The following CDS1 variants were observed in gnomAD, a reference collection of about 807,000 sequenced individuals.
CDS1 encodes phosphatidate cytidylyltransferase 1.
Under a neutral mutation model 62.1 loss-of-function variants are expected in CDS1, and 41 were observed. The observed-to-expected ratio is 0.66, with a 90% CI of 0.51 to 0.86. The LOEUF (loss-of-function observed/expected upper bound fraction) is 0.86, where lower values mean the gene tolerates loss of function less well. CDS1 is among the 40% of genes least tolerant of loss of function. CDS1 has a pLI of 0.00. For missense variants in CDS1, 470 were observed against 550.1 expected (o/e 0.85, Z 1.46); for synonymous variants, 185 against 192.6 (o/e 0.96, Z 0.32).
chr4:84,599,751 C>CTG (rs1356810072), intron 1 of CDS1, among the ~76,000 whole-genome samples: 1 of 152,068 alleles, frequency 6.6e-6, no homozygotes, highest in Non-Finnish European at 1.5e-5. Flanking sequence ...GAATATTCCA[C>CTG]TGTATGAAAG....
intron 11 of CDS1, among the ~76,000 whole-genome samples, chr4:84,643,547 T>A (rs1402030049): frequency 6.6e-6 from 1 of 152,134 alleles, no homozygotes; most frequent in Non-Finnish European, 1.5e-5. Flanking sequence ...CTAAGTCAGG[T>A]GTCATCACAC....
rs1724714356 is a variant in CDS1 at position 84,650,963 on chromosome 4, AG to A, written c.*2279del. The A allele has an allele frequency of 6.6e-6, 1 of 152,210 alleles. No homozygotes were observed. 9.4% of individuals were successfully genotyped at this position (152,210 alleles called of 1,614,324 possible). Reference sequence around the variant, plus strand: ...TGTGGTGGCAGACAAATGAAAAACTAGGAAGTTCTTTCACAGTAATGCCTAG... The same window carrying A: ...TGTGGTGGCAGACAAATGAAAAACTAGAAGTTCTTTCACAGTAATGCCTAG... On this transcript the variant is annotated 3_prime_UTR_variant, in exon 13 of 13. Coordinates refer to ENST00000295887, the MANE Select transcript of CDS1 (RefSeq NM_001263.4).
At chr4:84,645,196 G>T in intron 11 of CDS1, 26 bp from the exon 12 acceptor site, 1 of 1,472,138 alleles carries the variant, frequency 6.8e-7, no homozygotes, top group African/African-American at 1.4e-5. Context: ...TTGAAAATTT[G>T]CTAATATATT....
chr4:84,643,435 C>T (rs999199861), intron 11 of CDS1, among the ~76,000 whole-genome samples: 5 of 152,192 alleles, frequency 3.3e-5, no homozygotes, highest in Non-Finnish European at 7.3e-5. Context: ...CAAGTGCTCA[C>T]CCAAGAATCC....
intron 5 of CDS1, among the ~76,000 whole-genome samples, chr4:84,631,205 A>G (rs1231275817): frequency 6.6e-6 from 1 of 152,126 alleles, no homozygotes; most frequent in African/African-American, 2.4e-5. Flanking sequence ...GGTCAATAGG[A>G]TTTTAGTGTT....
intron 3 of CDS1, among the ~76,000 whole-genome samples, chr4:84,617,026 A>C (rs369761741): frequency 6.6e-6 from 1 of 152,198 alleles, no homozygotes; most frequent in Non-Finnish European, 1.5e-5. Flanking sequence ...AGTTGACACA[A>C]CTGGGAGGAT....
At chr4:84,607,228 A>C (rs1723124721) in intron 2 of CDS1, among the ~76,000 whole-genome samples, 1 of 152,146 alleles carries the variant, frequency 6.6e-6, no homozygotes, top group African/African-American at 2.4e-5. Flanking sequence ...ATTTGAAAAG[A>C]GTATTTGTTG....
intron 5 of CDS1, among the ~76,000 whole-genome samples, chr4:84,623,883 C>T (rs977752451): frequency 2.0e-5 from 3 of 152,074 alleles, no homozygotes; most frequent in Non-Finnish European, 4.4e-5. Flanking sequence ...GACTTGGGCA[C>T]TGACCTGTGG....
In CDS1 at chr4:84,631,861, G is replaced by A. The variant is rs771001468; in HGVS notation, c.623G>A (p.Arg208His). The change falls in exon 6 of 13, where the codon CGT becomes CAT. Residue 208 changes from arginine (R) to histidine (H), a missense_variant. Arg to His is a conservative substitution (Grantham distance 29, BLOSUM62 0). Coordinates refer to ENST00000295887, the MANE Select transcript of CDS1 (RefSeq NM_001263.4). ...FVLSLVKKHYRLQFYMFAWTH... is the reference protein window; with the variant it reads ...FVLSLVKKHYHLQFYMFAWTH... ...CTGAGTTTGGTGAAGAAACATTATC[G>A]TCTGCAGTTTTATATGGTGTGTATT... is the stretch of plus-strand genomic sequence containing the variant. The A allele has an allele frequency of 6.8e-6, 11 of 1,610,174 alleles. No homozygotes were observed. Among genetic ancestry groups the A allele is most frequent in the East Asian group, 2.2e-5 (1 of 44,766 alleles).
chr4:84,609,419 T>C lies in CDS1; in HGVS notation c.246-10T>C. 1.3e-6 allele frequency: 2 copies of C among 1,558,894 alleles called. No homozygotes were observed. Among genetic ancestry groups the C allele is most frequent in the Non-Finnish European group, 1.8e-6 (2 of 1,131,666 alleles). On this transcript the variant is annotated splice_polypyrimidine_tract_variant and intron_variant, in intron 2 of 12. Transcript: ENST00000295887. ...ACACGTTAAATACTAACTTTACATT[T>C]TCTTTGTAGGTGGAAAAACTGGTGG...
chr4:84,612,601 T>C (rs1270571779), intron 3 of CDS1, among the ~76,000 whole-genome samples: 1 of 152,218 alleles, frequency 6.6e-6, no homozygotes, highest in Non-Finnish European at 1.5e-5. Flanking sequence ...TACTTGAGTT[T>C]TTTTGTTTAT....
intron 1 of CDS1, among the ~76,000 whole-genome samples, chr4:84,599,437 T>C (rs891005868): frequency 7.3e-5 from 6 of 82,430 alleles, no homozygotes; most frequent in African/African-American, 2.2e-4. Flanking sequence ...TATATATATA[T>C]ATATATATAT....
intron 2 of CDS1, 35 bp downstream of exon 2, chr4:84,604,405 A>G (rs758571317): frequency 6.3e-7 from 1 of 1,597,410 alleles, no homozygotes; most frequent in Non-Finnish European, 8.5e-7. Context: ...ATCTTAGTGC[A>G]CAAGATAGGC....
At chr4:84,627,670 A>G (rs889247615) in intron 5 of CDS1, among the ~76,000 whole-genome samples, 22 of 152,146 alleles carry the variant, frequency 1.4e-4, no homozygotes. Context: ...TAAAGTTCTT[A>G]TGGAGATAAT....
intron 2 of CDS1, among the ~76,000 whole-genome samples, chr4:84,605,565 T>C (rs1401509024): frequency 1.3e-5 from 2 of 152,156 alleles, no homozygotes; most frequent in Non-Finnish European, 2.9e-5. Flanking sequence ...ATTATTTTAA[T>C]AGTTCTTGTT....
chr4:84,604,574 G>C (rs1264542244), intron 2 of CDS1, among the ~76,000 whole-genome samples: 1 of 152,124 alleles, frequency 6.6e-6, no homozygotes, highest in African/African-American at 2.4e-5. Flanking sequence ...GAAAACCAAG[G>C]CTGAGAGGTT....
chr4:84,635,641 T>G (rs1160925385), intron 8 of CDS1, among the ~76,000 whole-genome samples: 87 of 90,988 alleles, frequency 9.6e-4, no homozygotes, highest in Middle Eastern at 5.6e-3. Flanking sequence ...CTTCCTTCCT[T>G]CCTTCCTTCC....
chr4:84,637,904 G>A (rs1724262672), intron 8 of CDS1, among the ~76,000 whole-genome samples: 1 of 152,122 alleles, frequency 6.6e-6, no homozygotes, highest in East Asian at 1.9e-4. Flanking sequence ...GAGAAGGTGT[G>A]TCTGTCCCTT....
rs1296982198 is a variant in CDS1, at chr4:84,645,236, C to T, written c.1167C>T (p.Thr389=). The change falls in exon 12 of 13, where the codon ACC becomes ACT. Residue 389 remains threonine (T), a synonymous_variant. Transcript: ENST00000295887. The part of the protein sequence containing the change: ...RAFKIKDFAN[T]IPGHGGIMDR... ...TGTTTCTAAAGGATTTTGCAAATAC[C>T]ATTCCTGGACATGGTGGGATAATGG... 16 of 1,610,380 alleles carry T rather than the reference C, an allele frequency of 9.9e-6. No individual in the cohort carries two copies. The Admixed American group carries it at 2.7e-4, about 27-fold the overall frequency.
Sources: allele counts gnomAD v4.1 joint callset (sites outside exome capture counted in the v4.1 genomes callset), GRCh38; gene constraint gnomAD v4.1.1; transcripts MANE v1.5; gene names NCBI Gene and HGNC (gene_info 2026-07-23, HGNC 2026-07-21).